Variants in MMRN2 observed in about 807,000 individuals in gnomAD.
MMRN2 encodes the protein multimerin-2.
A neutral mutation model predicts 68.8 loss-of-function variants in MMRN2; 53 were observed. That is an observed-to-expected ratio of 0.77 (90% CI 0.62 to 0.97). The LOEUF is 0.97. MMRN2 is among the 50% of genes least tolerant of loss of function. The probability of loss-of-function intolerance (pLI) is 0.00; values close to 1 mark genes in which losing one functional copy is unlikely to be tolerated. For missense variants in MMRN2, 1,266 were observed against 1,259.5 expected, an observed-to-expected ratio of 1.01 and a Z score of -0.08; for synonymous variants, 564 against 551.6, an observed-to-expected ratio of 1.02 and a Z score of -0.32.
At chr10:86,939,273 C>G (rs1843923809) in intron 6 of MMRN2, among the ~76,000 whole-genome samples, 1 of 151,468 alleles carries the variant, frequency 6.6e-6, no homozygotes, top group Admixed American at 6.6e-5. Flanking sequence ...ACCAGCCTGG[C>G]CAACATGGTG....
In MMRN2 at chr10:86,937,100, G is replaced by C. The variant is rs36073867; in HGVS notation, c.2493C>G (p.Ser831Arg). 3,698 of 1,614,144 alleles carry C rather than the reference G, an allele frequency of 2.3e-3. 76 individuals are homozygous for C. In the African/African-American group the frequency reaches 0.045, roughly 20 times the overall value. Reference sequence around the variant, plus strand: ...GCAGGGCAGCCGTCCCTTCTGAAAAGCTGGCATAGAAGGCCACAGGGGATC... The same window carrying C: ...GCAGGGCAGCCGTCCCTTCTGAAAACCTGGCATAGAAGGCCACAGGGGATC... The part of the protein sequence containing the change: ...EAGSPVAFYA[S>R]FSEGTAALQT... The change falls in exon 7 of 7, where the codon AGC becomes AGG. Residue 831 changes from serine to arginine, a missense_variant. By Grantham distance (110) the Ser-to-Arg change is moderately radical. Transcript: ENST00000372027.
chr10:86,942,807 G>T lies in MMRN2; in HGVS notation c.1977C>A (p.Ala659=). 1 of 1,359,908 alleles carries T rather than the reference G, an allele frequency of 7.4e-7. No individual in the cohort carries two copies. Among genetic ancestry groups the T allele is most frequent in the South Asian group, 1.7e-5 (1 of 57,756 alleles). The allele number at this position is 1,359,908 out of a possible 1,614,324, so 84.2% of individuals were successfully genotyped here. Residue 659 remains alanine, a synonymous_variant, in exon 6 of 7, where the codon GCC becomes GCA. Transcript: ENST00000372027. The stretch of plus-strand genomic sequence containing the variant: ...CCTGCTCCAGGGCCGTCACTCGGGC[G>T]GCCAGCTCGTCCCAGCCGAGCGCCT... ...QEQALGWDEL[A]ARVTALEQAS... is the part of the protein sequence containing the mutation.
rs543621941 is a variant in MMRN2, at chr10:86,950,009, C to T, written c.165-4320G>A. On this transcript the variant is annotated intron_variant, in intron 1 of 6. Coordinates refer to ENST00000372027, the MANE Select transcript of MMRN2 (RefSeq NM_024756.3). ...TTGAGACTAGGAATTTGAGACCAGC[C>T]TGGGCAATATAGTGAGACTTCATCT... 2.0e-5 allele frequency: 3 copies of T among 151,842 alleles called. No individual in the cohort carries two copies. In the East Asian group the frequency reaches 5.8e-4, roughly 29 times the overall value. 9.4% of individuals were successfully genotyped at this position (151,842 alleles called of 1,614,324 possible).
chr10:86,943,785 C>T lies in MMRN2; in HGVS notation c.999G>A (p.Val333=), dbSNP rs1844020921. The T allele has an allele frequency of 2.5e-6, 4 of 1,609,164 alleles. No homozygotes were observed. In the East Asian group the frequency reaches 8.9e-5, roughly 36 times the overall value. The change falls in exon 6 of 7, where the codon GTG becomes GTA. Residue 333 remains valine, a synonymous_variant. Transcript: ENST00000372027. The surrounding 1 kb of genome is among the most constrained non-coding windows in gnomAD (Gnocchi z 4.2). ...HRSISELQAD[V]DTKLKRLHKA... Reference sequence around the variant, plus strand: ...TGTGCAGCCTCTTCAATTTGGTGTCCACATCGGCTTGGAGCTCTGAGATCG... The same window carrying T: ...TGTGCAGCCTCTTCAATTTGGTGTCTACATCGGCTTGGAGCTCTGAGATCG...
In MMRN2 at chr10:86,944,342, G is replaced by A. The variant is rs563085631; in HGVS notation, c.575C>T (p.Ala192Val). The A allele has an allele frequency of 1.1e-5, 17 of 1,613,948 alleles. No individual in the cohort carries two copies. The Admixed American group carries it at 1.5e-4, about 14-fold the overall frequency. The change falls in exon 5 of 7, where the codon GCA becomes GTA. Residue 192 changes from alanine to valine, a missense_variant. Transcript: ENST00000372027. ...GDLQNDVHRV[A>V]DSLPGLWKAL... ...TTTCCACAGGCCTGGCAGGCTGTCT[G>A]CCACCCGGTGCACATCATTCTGGAG...
At chr10:86,951,284 CT>C (rs1218730648) in intron 1 of MMRN2, among the ~76,000 whole-genome samples, 2 of 152,202 alleles carry the variant, frequency 1.3e-5, no homozygotes, top group Admixed American at 6.5e-5. Context: ...GATCAGCAAA[CT>C]TTTTTTCTAA....
chr10:86,956,999 C>G (rs548324443), intron 1 of MMRN2, among the ~76,000 whole-genome samples: 5 of 152,308 alleles, frequency 3.3e-5, no homozygotes, highest in Admixed American at 1.3e-4. Flanking sequence ...AATCTCAGGG[C>G]AGCCTTGCTG....
In MMRN2 at chr10:86,945,362, A is replaced by G. The variant is rs762481317; in HGVS notation, c.400+8T>C. 13 of 1,598,632 alleles carry G rather than the reference A, an allele frequency of 8.1e-6. No individual in the cohort carries two copies. The highest frequency in any genetic ancestry group is 2.7e-5 in the African/African-American group (2 of 74,696). On this transcript the variant is annotated splice_region_variant and intron_variant, in intron 3 of 6. Coordinates refer to ENST00000372027, the MANE Select transcript of MMRN2 (RefSeq NM_024756.3). ...TCAAGGGGGGAAGGGGGCCGCAGGGAGCCCTACCGTGGTGCTCGCAGTTGG... is the reference window on the plus strand; with the variant it reads ...TCAAGGGGGGAAGGGGGCCGCAGGGGGCCCTACCGTGGTGCTCGCAGTTGG...
chr10:86,951,636 T>C (rs1164547560), intron 1 of MMRN2, among the ~76,000 whole-genome samples: 15 of 152,232 alleles, frequency 9.9e-5, no homozygotes, highest in Admixed American at 9.8e-4. Flanking sequence ...ATGGGCTGGA[T>C]TTGGCCCACT....
rs1359599596 is a variant in MMRN2 at position 86,936,948 on chromosome 10, G to A, written c.2645C>T (p.Pro882Leu). Residue 882 changes from proline (P) to leucine (L), a missense_variant, in exon 7 of 7, where the codon CCA becomes CTA. Transcript: ENST00000372027. ...TCCAAACACCAGCTGCCCGGTGCCT[G>A]GCCCTGGGCCAAATTCAACGCTCAC... is the stretch of plus-strand genomic sequence containing the variant. ...FAVSVEFGPG[P>L]GTGQLVFGGH... 2 of 1,614,206 alleles carry A rather than the reference G, an allele frequency of 1.2e-6. No individual in the cohort carries two copies. Among genetic ancestry groups the A allele is most frequent in the South Asian group, 1.1e-5 (1 of 91,076 alleles).
At chr10:86,957,283 A>T in intron 1 of MMRN2, 95 bp downstream of exon 1, 2 of 1,319,498 alleles carry the variant, frequency 1.5e-6, no homozygotes, top group Non-Finnish European at 2.2e-6. Flanking sequence ...CATTTCACAG[A>T]TGGGACCCCA....
chr10:86,937,564 G>A (rs1011190559), intron 6 of MMRN2, among the ~76,000 whole-genome samples: 2 of 152,016 alleles, frequency 1.3e-5, no homozygotes, highest in African/African-American at 4.8e-5. Flanking sequence ...TGGGCTTGCA[G>A]GTGAGCCACC....
In MMRN2 at chr10:86,944,142, G is replaced by C; in HGVS notation, c.656-14C>G. The C allele has an allele frequency of 6.2e-7, 1 of 1,610,346 alleles. No individual in the cohort carries two copies. The highest frequency in any genetic ancestry group is 2.2e-5 in the East Asian group (1 of 44,808). On this transcript the variant is annotated splice_polypyrimidine_tract_variant and intron_variant, in intron 5 of 6. Transcript: ENST00000372027. ...TATCAGGGAACTCTGCAACAGACAT[G>C]TGGTGTGACACAAGCCCTGCAGGAG...
Position 86,943,380 on chromosome 10 carries a change from G to A in MMRN2, c.1404C>T (p.Leu468=), listed in dbSNP as rs775254447. The A allele has an allele frequency of 6.2e-7, 1 of 1,614,026 alleles. No individual in the cohort carries two copies. Among genetic ancestry groups the A allele is most frequent in the Non-Finnish European group, 8.5e-7 (1 of 1,180,012 alleles). ...GCTGCAGCGTGAGGTTGAGCTCCAG[G>A]AGCTGCCGCTCCACCTCCTCCTTGT... The part of the protein sequence containing the change: ...EENKEEVERQ[L]LELNLTLQHL... Residue 468 remains leucine, a synonymous_variant, in exon 6 of 7, where the codon CTC becomes CTT. Coordinates refer to ENST00000372027, the MANE Select transcript of MMRN2 (RefSeq NM_024756.3). This position sits in a 1 kb window ranked among gnomAD's most constrained non-coding sequence, Gnocchi z 4.2.
chr10:86,952,863 C>T (rs1383011740), intron 1 of MMRN2, among the ~76,000 whole-genome samples: 1 of 152,140 alleles, frequency 6.6e-6, no homozygotes, highest in Non-Finnish European at 1.5e-5. Context: ...GAGACCAGGG[C>T]ATATCTCAGT....
In MMRN2 at chr10:86,943,277, C is replaced by T. The variant is rs750511243; in HGVS notation, c.1507G>A (p.Val503Ile). Residue 503 changes from valine (V) to isoleucine (I), a missense_variant, in exon 6 of 7, where the codon GTC (valine) becomes ATC (isoleucine). Physicochemically the swap from Val to Ile is conservative, Grantham distance 29. Coordinates refer to ENST00000372027, the MANE Select transcript of MMRN2 (RefSeq NM_024756.3). This position sits in a 1 kb window ranked among gnomAD's most constrained non-coding sequence, Gnocchi z 4.2. The part of the protein sequence containing the change: ...NCQKLYLDLD[V>I]IREGQRDATR... Reference sequence around the variant, plus strand: ...GCGTCCCTCTGGCCCTCCCGGATGACGTCCAGGTCTAAATAGAGCTTCTGG... The same window carrying T: ...GCGTCCCTCTGGCCCTCCCGGATGATGTCCAGGTCTAAATAGAGCTTCTGG... The T allele has an allele frequency of 1.1e-5, 17 of 1,613,428 alleles. No individual in the cohort carries two copies. Among genetic ancestry groups the T allele is most frequent in the Admixed American group, 3.3e-5 (2 of 60,010 alleles).
chr10:86,936,651 A>T lies in MMRN2; in HGVS notation c.*92T>A. On this transcript the variant is annotated 3_prime_UTR_variant, in exon 7 of 7. Transcript: ENST00000372027. ...AAGGTTTCCAGGGAAGAGACAGACC[A>T]ACTGAATGACCTCCAGCCCATCCTT... 2.7e-6 allele frequency: 4 copies of T among 1,486,138 alleles called. No homozygotes were observed. The highest frequency in any genetic ancestry group is 3.7e-6 in the Non-Finnish European group (4 of 1,090,526). The allele number at this position is 1,486,138 out of a possible 1,614,324, so 92.1% of individuals were successfully genotyped here. A position where few individuals can be genotyped will look rare whatever the true frequency, so the allele number is the denominator to read the frequency against.
At chr10:86,953,523 T>G (rs943620181) in intron 1 of MMRN2, among the ~76,000 whole-genome samples, 1 of 152,054 alleles carries the variant, frequency 6.6e-6, no homozygotes. Flanking sequence ...TAGGGAAAAA[T>G]CTCTCTTAGA....
In MMRN2 at chr10:86,943,822, G is replaced by A; in HGVS notation, c.962C>T (p.Thr321Ile). Reference sequence around the variant, plus strand: ...GAGCTCTGAGATCGAGCGGTGCAGGGTAAAGTGCTGGGCGTGCAGGCGGTC... The same window carrying A: ...GAGCTCTGAGATCGAGCGGTGCAGGATAAAGTGCTGGGCGTGCAGGCGGTC... Reference protein sequence around the residue: ...VEDRLHAQHFTLHRSISELQA... With the variant: ...VEDRLHAQHFILHRSISELQA... Residue 321 changes from threonine to isoleucine, a missense_variant, in exon 6 of 7, where the codon ACC (threonine) becomes ATC (isoleucine). Transcript: ENST00000372027. This position sits in a 1 kb window ranked among gnomAD's most constrained non-coding sequence, Gnocchi z 4.2. The A allele has an allele frequency of 1.2e-6, 2 of 1,611,888 alleles. No individual in the cohort carries two copies. Among genetic ancestry groups the A allele is most frequent in the Non-Finnish European group, 1.7e-6 (2 of 1,180,008 alleles).
Sources: allele counts gnomAD v4.1 joint callset (sites outside exome capture counted in the v4.1 genomes callset), GRCh38; gene constraint gnomAD v4.1.1; non-coding constraint Gnocchi (gnomAD v3.1); transcripts MANE v1.5; gene names NCBI Gene and HGNC (gene_info 2026-07-23, HGNC 2026-07-21).